Variants in PCDH9 observed in about 807,000 individuals in gnomAD.
PCDH9 encodes protocadherin 9, also known as protocadherin-9.
A neutral mutation model predicts 70.6 loss-of-function variants in PCDH9; 24 were observed. The observed-to-expected ratio is 0.34, with a 90% CI of 0.25 to 0.48. The LOEUF (loss-of-function observed/expected upper bound fraction) is 0.48, where lower values mean the gene tolerates loss of function less well. Ranked by LOEUF, PCDH9 falls within the 20% of genes least tolerant of loss-of-function variation. PCDH9 has a pLI of 0.99. For synonymous variants in PCDH9, 562 were observed against 558.5 expected (o/e 1.01, Z -0.09); for missense variants, 1,281 against 1,503.6 (o/e 0.85, Z 2.45).
chr13:66,488,885 T>C (rs910130217), intron 4 of PCDH9, among the ~76,000 whole-genome samples: 5 of 152,116 alleles, frequency 3.3e-5, no homozygotes, highest in Admixed American at 2.6e-4. Context: ...ATTAAACACT[T>C]AAATAGAACA....
At chr13:67,138,087 T>TAA (rs369877934) in intron 2 of PCDH9, among the ~76,000 whole-genome samples, 6 of 151,760 alleles carry the variant, frequency 4.0e-5, no homozygotes, top group Admixed American at 2.0e-4. Context: ...TTAGCTAAAT[T>TAA]AAAAAAAAAT....
intron 4 of PCDH9, among the ~76,000 whole-genome samples, chr13:66,330,651 T>A (rs166501): frequency 0.014 from 2,091 of 150,890 alleles, 48 homozygotes; most frequent in African/African-American, 0.047. Context: ...AAAAAAAAAA[T>A]TATTTAAATT....
intron 3 of PCDH9, among the ~76,000 whole-genome samples, chr13:66,846,564 T>C (rs1029623535): frequency 7.2e-5 from 11 of 152,168 alleles, no homozygotes; most frequent in Non-Finnish European, 1.3e-4. Context: ...GTGAGAGTTA[T>C]TACATTCCTT....
intron 4 of PCDH9, among the ~76,000 whole-genome samples, chr13:66,538,454 T>C (rs1402009835): frequency 6.6e-6 from 1 of 152,134 alleles, no homozygotes; most frequent in Non-Finnish European, 1.5e-5. Context: ...TGCAATGTGA[T>C]GGTCAAGATT....
At chr13:67,167,495 A>T (rs1464340759) in intron 2 of PCDH9, among the ~76,000 whole-genome samples, 1 of 152,172 alleles carries the variant, frequency 6.6e-6, no homozygotes, top group African/African-American at 2.4e-5. Context: ...TGATGAAGCC[A>T]CTTTTCATCA....
intron 4 of PCDH9, among the ~76,000 whole-genome samples, chr13:66,342,703 AGGTTTGAGC>A (rs1177283097): frequency 6.6e-6 from 1 of 152,090 alleles, no homozygotes; most frequent in Non-Finnish European, 1.5e-5. Context: ...TCCGCCTCCC[AGGTTTGAGC>A]GATTCTCCCT....
At chr13:66,318,732 C>G (rs1420164949) in intron 4 of PCDH9, among the ~76,000 whole-genome samples, 1 of 152,076 alleles carries the variant, frequency 6.6e-6, no homozygotes, top group South Asian at 2.1e-4. Flanking sequence ...CTTTTTGCAT[C>G]ATCTGGGTTA....
chr13:67,161,680 T>C (rs1189189783), intron 2 of PCDH9, among the ~76,000 whole-genome samples: 3 of 152,118 alleles, frequency 2.0e-5, no homozygotes, highest in Non-Finnish European at 2.9e-5. Context: ...GTACAGAAGA[T>C]AGGGCCTAAT....
At chr13:67,131,650 A>G (rs1286312660) in intron 2 of PCDH9, among the ~76,000 whole-genome samples, 1 of 152,176 alleles carries the variant, frequency 6.6e-6, no homozygotes, top group Non-Finnish European at 1.5e-5. Flanking sequence ...CAAAAAAAAG[A>G]AAAAGAAAAA....
At chr13:66,862,034 T>G (rs536459410) in intron 3 of PCDH9, among the ~76,000 whole-genome samples, 1 of 152,322 alleles carries the variant, frequency 6.6e-6, no homozygotes, top group African/African-American at 2.4e-5. Context: ...TTTAACAGTC[T>G]CATTTGTTGT....
intron 2 of PCDH9, among the ~76,000 whole-genome samples, chr13:67,053,154 A>T (rs917546256): frequency 1.3e-5 from 2 of 152,198 alleles, no homozygotes; most frequent in African/African-American, 4.8e-5. Context: ...AAGCAGAAAA[A>T]AATGGGAATT....
At chr13:66,807,405 C>T (rs1007244998) in intron 3 of PCDH9, among the ~76,000 whole-genome samples, 5 of 152,040 alleles carry the variant, frequency 3.3e-5, no homozygotes, top group East Asian at 3.9e-4. Context: ...AATCAAACTC[C>T]GGTCCATCTC....
At chr13:66,406,614 G>A (rs73205683) in intron 4 of PCDH9, among the ~76,000 whole-genome samples, 2,037 of 152,116 alleles carry the variant, frequency 0.013, 26 homozygotes, top group East Asian at 0.078. Context: ...GCTTGTAACG[G>A]GTCAAATTAG....
chr13:67,017,567 T>C (rs2084588046), intron 2 of PCDH9, among the ~76,000 whole-genome samples: 1 of 152,236 alleles, frequency 6.6e-6, no homozygotes, highest in South Asian at 2.1e-4. Flanking sequence ...ATGGTTCTAT[T>C]TTTAAATTTT....
At chr13:67,012,098 T>C (rs1214102928) in intron 2 of PCDH9, among the ~76,000 whole-genome samples, 2 of 151,858 alleles carry the variant, frequency 1.3e-5, no homozygotes, top group African/African-American at 2.4e-5. Context: ...CTTTCTTCCT[T>C]TTTCTTTCCT....
intron 4 of PCDH9, among the ~76,000 whole-genome samples, chr13:66,465,308 A>C (rs2138465095): frequency 6.6e-6 from 1 of 152,030 alleles, no homozygotes; most frequent in East Asian, 1.9e-4. Flanking sequence ...AAATTTACAT[A>C]TAGAAATTTT....
At chr13:66,307,813 C>T (rs1165260120) in intron 4 of PCDH9, among the ~76,000 whole-genome samples, 2 of 152,002 alleles carry the variant, frequency 1.3e-5, no homozygotes, top group Non-Finnish European at 2.9e-5. Flanking sequence ...ACATATCACT[C>T]GAAGATTGAG....
At chr13:66,613,591 A>G (rs893094713) in intron 4 of PCDH9, among the ~76,000 whole-genome samples, 37 of 151,582 alleles carry the variant, frequency 2.4e-4, no homozygotes, top group African/African-American at 8.5e-4. Context: ...GGCCATGGCC[A>G]GTAACCACTT....
intron 4 of PCDH9, among the ~76,000 whole-genome samples, chr13:66,529,534 A>G (rs1026880842): frequency 3.3e-5 from 5 of 152,046 alleles, no homozygotes; most frequent in Non-Finnish European, 7.4e-5. Context: ...CTAATAACTA[A>G]ACTGTTTGTT....
Sources: allele counts gnomAD v4.1 joint callset (sites outside exome capture counted in the v4.1 genomes callset), GRCh38; gene constraint gnomAD v4.1.1; transcripts MANE v1.5; gene names NCBI Gene and HGNC (gene_info 2026-07-23, HGNC 2026-07-21).